The following CFAP73 variants were observed in gnomAD, a reference collection of about 807,000 sequenced individuals.
The protein encoded by CFAP73 is cilia- and flagella-associated protein 73.
In CFAP73, 33 loss-of-function variants were observed where a neutral mutation model predicts 42.9. The observed-to-expected ratio is 0.77, with a 90% CI of 0.58 to 1.03. CFAP73 has a LOEUF of 1.03. Among genes scored for constraint, CFAP73 ranks in the 50% least tolerant of loss-of-function variants. The pLI, the probability that CFAP73 is intolerant of heterozygous loss-of-function variation, is 0.00. For missense variants in CFAP73, 392 were observed against 411.9 expected, an observed-to-expected ratio of 0.95 and a Z score of 0.42; for synonymous variants, 162 against 186.8, an observed-to-expected ratio of 0.87 and a Z score of 1.08.
intron 1 of CFAP73, 125 bp from the exon 2 acceptor site, chr12:113,151,793 C>CAAAAAAAAA: frequency 2.2e-6 from 1 of 455,170 alleles, no homozygotes; most frequent in South Asian, 2.8e-5. Flanking sequence ...AAACAAGTCT[C>CAAAAAAAAA]AAAAAAAAAA....
chr12:113,157,952 C>T lies in CFAP73; in HGVS notation c.*11+262C>T. 4.0e-6 allele frequency: 2 copies of T among 502,892 alleles called. 1 individual carries two copies. Among genetic ancestry groups the T allele is most frequent in the South Asian group, 5.8e-5 (2 of 34,260 alleles). 31.2% of individuals were successfully genotyped at this position (502,892 alleles called of 1,614,324 possible). On this transcript the variant is annotated intron_variant, in intron 7 of 7. Coordinates refer to ENST00000335621, the MANE Select transcript of CFAP73 (RefSeq NM_001144872.3). ...GCCTCTAAAATGAGATCAGACCAGG[C>T]CCTCCCTGCCAGGGTGGTTGGGGCA...
At chr12:113,153,060 G>T in intron 3 of CFAP73, 148 bp from the exon 4 acceptor site, 1 of 925,394 alleles carries the variant, frequency 1.1e-6, no homozygotes. Context: ...AAAAGCGGGC[G>T]GGGGAGTTGG....
At position 113,154,564 on chromosome 12, in the gene CFAP73, C is replaced by G. The variant is rs1225412813; in HGVS notation, c.619C>G (p.Leu207Val). The change falls in exon 5 of 8, where the codon CTC becomes GTC. Residue 207 changes from leucine to valine, a missense_variant. Coordinates refer to ENST00000335621, the MANE Select transcript of CFAP73 (RefSeq NM_001144872.3). The surrounding 1 kb of genome is among the most constrained non-coding windows in gnomAD (Gnocchi z 4.7). ...GCGGGACGCCTGGCCGGACGAGGTG[C>G]TCGCACAGGGCCAGCGGCGGGCACA... Reference protein sequence around the residue: ...QLRDAWPDEVLAQGQRRAQLQ... With the variant: ...QLRDAWPDEVVAQGQRRAQLQ... The G allele has an allele frequency of 6.9e-7, 1 of 1,457,774 alleles. No homozygotes were observed. The highest frequency in any genetic ancestry group is 2.7e-5 in the East Asian group (1 of 36,668). 90.3% of individuals were successfully genotyped at this position (1,457,774 alleles called of 1,614,324 possible).
rs748632245 is a variant in CFAP73 at position 113,158,892 on chromosome 12, C to T, written c.*203C>T. ...GTCCTGGTCCTCACATCCTCTTCCG[C>T]ATCTTGCCCTTCTTGGAGCGGGCAC... On this transcript the variant is annotated 3_prime_UTR_variant, in exon 8 of 8. Coordinates refer to ENST00000335621, the MANE Select transcript of CFAP73 (RefSeq NM_001144872.3). The surrounding 1 kb of genome is among the most constrained non-coding windows in gnomAD (Gnocchi z 4.9). 6.2e-7 allele frequency: 1 copy of T among 1,604,334 alleles called. No individual in the cohort carries two copies. The highest frequency in any genetic ancestry group is 1.7e-5 in the Admixed American group (1 of 59,584).
chr12:113,154,297 T>A lies in CFAP73; in HGVS notation c.469-117T>A, dbSNP rs1426785045. The A allele has an allele frequency of 7.9e-7, 1 of 1,271,696 alleles. No homozygotes were observed. The highest frequency in any genetic ancestry group is 2.7e-5 in the East Asian group (1 of 37,734). The allele number at this position is 1,271,696 out of a possible 1,614,324, so 78.8% of individuals were successfully genotyped here. A position where few individuals can be genotyped will look rare whatever the true frequency, so the allele number is the denominator to read the frequency against. On this transcript the variant is annotated intron_variant, in intron 4 of 7. Coordinates refer to ENST00000335621, the MANE Select transcript of CFAP73 (RefSeq NM_001144872.3). The surrounding 1 kb of genome is among the most constrained non-coding windows in gnomAD (Gnocchi z 4.7). ...TGTCTCTAACAAATGGAGGTTGACA[T>A]TTAAGTCACTTTCCAGAAAGATTAT...
chr12:113,153,471 C>A, intron 4 of CFAP73, 63 bp downstream of exon 4: 2 of 1,285,086 alleles, frequency 1.6e-6, no homozygotes, highest in Non-Finnish European at 2.0e-6. Flanking sequence ...GGCTCAGGGA[C>A]GGCTTCGGAC....
chr12:113,154,092 T>A lies in CFAP73; in HGVS notation c.469-322T>A, dbSNP rs1952092520. On this transcript the variant is annotated intron_variant, in intron 4 of 7. Coordinates refer to ENST00000335621, the MANE Select transcript of CFAP73 (RefSeq NM_001144872.3). The surrounding 1 kb of genome is among the most constrained non-coding windows in gnomAD (Gnocchi z 4.7). ...CTTGAAGCCAGGAGTTCGAGACCAGTCTGGGTAACATAGAGTGACACCTGT... is the reference window on the plus strand; with the variant it reads ...CTTGAAGCCAGGAGTTCGAGACCAGACTGGGTAACATAGAGTGACACCTGT... Among the ~76,000 whole-genome samples the A allele has an allele frequency of 6.6e-6, 1 of 151,884 alleles. No individual in the cohort carries two copies.
chr12:113,158,956 C>T lies in CFAP73; in HGVS notation c.*267C>T, dbSNP rs746084777. ...GCCCTGCTGCAGCTCCTGGACGCGGCGGCGGTTGCGGGCAGAGAGCTGCTT... is the reference window on the plus strand; with the variant it reads ...GCCCTGCTGCAGCTCCTGGACGCGGTGGCGGTTGCGGGCAGAGAGCTGCTT... On this transcript the variant is annotated 3_prime_UTR_variant, in exon 8 of 8. Coordinates refer to ENST00000335621, the MANE Select transcript of CFAP73 (RefSeq NM_001144872.3). The surrounding 1 kb of genome is among the most constrained non-coding windows in gnomAD (Gnocchi z 4.9). 12 of 1,610,930 alleles carry T rather than the reference C, an allele frequency of 7.4e-6. 1 individual carries two copies. The highest frequency in any genetic ancestry group is 5.5e-5 in the South Asian group (5 of 90,742).
At position 113,153,402 on chromosome 12, in the gene CFAP73, G is replaced by C; in HGVS notation, c.462G>C (p.Leu154=). Residue 154 remains leucine (L), a synonymous_variant, in exon 4 of 8, where the codon CTG becomes CTC. Coordinates refer to ENST00000335621, the MANE Select transcript of CFAP73 (RefSeq NM_001144872.3). ...ARLLEQALEL[L]PGFQEVPELV... Reference sequence around the variant, plus strand: ...TGCTGGAGCAAGCGCTGGAGCTGCTGCCCGGGGTGAGTCCGGGGCAGGAGG... The same window carrying C: ...TGCTGGAGCAAGCGCTGGAGCTGCTCCCCGGGGTGAGTCCGGGGCAGGAGG... The C allele has an allele frequency of 2.1e-6, 3 of 1,436,890 alleles. No homozygotes were observed. Among genetic ancestry groups the C allele is most frequent in the Non-Finnish European group, 2.7e-6 (3 of 1,101,416 alleles). The allele number at this position is 1,436,890 out of a possible 1,614,324, so 89.0% of individuals were successfully genotyped here. A position where few individuals can be genotyped will look rare whatever the true frequency, so the allele number is the denominator to read the frequency against.
In CFAP73 at chr12:113,157,690, G is replaced by A. The variant is rs776776545; in HGVS notation, c.*11G>A. On this transcript the variant is annotated splice_region_variant and 3_prime_UTR_variant, in exon 7 of 8. Transcript: ENST00000335621. ...GCCCCTGCCTCCTAGCCCTGACACAGGTGAGCAGCGGGAGAGGGAACCCCT... is the reference window on the plus strand; with the variant it reads ...GCCCCTGCCTCCTAGCCCTGACACAAGTGAGCAGCGGGAGAGGGAACCCCT... The A allele has an allele frequency of 3.8e-5, 59 of 1,550,448 alleles. No homozygotes were observed. In the Middle Eastern group the frequency reaches 1.5e-3, roughly 39 times the overall value.
rs1952163593 is a variant in CFAP73 at position 113,158,483 on chromosome 12, T to G, written c.*12-218T>G. ...CAGTTCCCCAAGTAGACCGCACTCCTGGCCACCAGCAGTGCTCAATAAAGA... is the reference window on the plus strand; with the variant it reads ...CAGTTCCCCAAGTAGACCGCACTCCGGGCCACCAGCAGTGCTCAATAAAGA... On this transcript the variant is annotated intron_variant, in intron 7 of 7. Coordinates refer to ENST00000335621, the MANE Select transcript of CFAP73 (RefSeq NM_001144872.3). This position sits in a 1 kb window ranked among gnomAD's most constrained non-coding sequence, Gnocchi z 4.9. The G allele has an allele frequency of 5.9e-6, 1 of 169,162 alleles. No homozygotes were observed. Among genetic ancestry groups the G allele is most frequent in the Admixed American group, 6.4e-5 (1 of 15,712 alleles). The allele number at this position is 169,162 out of a possible 1,614,324, so 10.5% of individuals were successfully genotyped here.
At chr12:113,150,336 G>T (rs950618024) in intron 1 of CFAP73, among the ~76,000 whole-genome samples, 1 of 152,060 alleles carries the variant, frequency 6.6e-6, no homozygotes, top group Non-Finnish European at 1.5e-5. Flanking sequence ...TCTGGACCAC[G>T]GCTGGGAAAG....
chr12:113,153,120 G>T (rs1189699886), intron 3 of CFAP73, 88 bp from the exon 4 acceptor site: 6 of 1,359,030 alleles, frequency 4.4e-6, no homozygotes, highest in East Asian at 5.1e-5. Flanking sequence ...CTGGTTTTGC[G>T]AGCGAATGTC....
intron 6 of CFAP73, chr12:113,156,731 G>C (rs1592992650): frequency 2.0e-5 from 3 of 152,184 alleles, no homozygotes; most frequent in South Asian, 2.1e-4. Context: ...AGAAACACAG[G>C]CTTGATGTAA....
intron 2 of CFAP73, 136 bp downstream of exon 2, chr12:113,152,159 A>G (rs767119542): frequency 7.6e-5 from 49 of 645,540 alleles, no homozygotes; most frequent in Admixed American, 3.1e-4. Flanking sequence ...ATGGGGATCA[A>G]ATGAGACCAG....
intron 1 of CFAP73, among the ~76,000 whole-genome samples, chr12:113,150,690 A>G (rs533049673): frequency 1.3e-5 from 2 of 152,212 alleles, no homozygotes; most frequent in South Asian, 4.2e-4. Context: ...TGCTCCTCAA[A>G]GCAGCCAGAA....
intron 6 of CFAP73, chr12:113,157,286 T>C (rs1952139575): frequency 5.2e-6 from 2 of 384,106 alleles, no homozygotes; most frequent in Non-Finnish European, 9.5e-6. Context: ...CCAATGAATA[T>C]GACTGATCCA....
At chr12:113,155,072 AAGG>A (rs1458258824) in intron 5 of CFAP73, among the ~76,000 whole-genome samples, 185 bp from the exon 6 acceptor site, 3 of 152,274 alleles carry the variant, frequency 2.0e-5, no homozygotes, top group East Asian at 3.9e-4. Flanking sequence ...CGGGAGGCTG[AAGG>A]AGGAGAATCG....
rs1214482994 is a variant in CFAP73 at position 113,150,856 on chromosome 12, A to G, written c.56+943A>G. On this transcript the variant is annotated intron_variant, in intron 1 of 7. Transcript: ENST00000335621. The stretch of plus-strand genomic sequence containing the variant: ...CCTCCTCCCTCCCTCCTCTGCAGCC[A>G]CCCTAGCCACACCAGGGTCCTAGAA... Among the ~76,000 whole-genome samples, 3 of 151,558 alleles carry G rather than the reference A, an allele frequency of 2.0e-5. No homozygotes were observed. The East Asian group carries it at 5.8e-4, about 29-fold the overall frequency.
Sources: allele counts gnomAD v4.1 joint callset (sites outside exome capture counted in the v4.1 genomes callset), GRCh38; gene constraint gnomAD v4.1.1; non-coding constraint Gnocchi (gnomAD v3.1); transcripts MANE v1.5; gene names NCBI Gene and HGNC (gene_info 2026-07-23, HGNC 2026-07-21).